The following CCDC148 variants were observed in gnomAD, a reference collection of about 807,000 sequenced individuals.
CCDC148 encodes the protein coiled-coil domain containing 148.
A neutral mutation model predicts 85.7 loss-of-function variants in CCDC148; 89 were observed. That is an observed-to-expected ratio of 1.04 (90% CI 0.87 to 1.24). The LOEUF (loss-of-function observed/expected upper bound fraction) is 1.24. Among genes scored for constraint, CCDC148 ranks in the 50% most tolerant of loss-of-function variants. CCDC148 has a pLI of 0.00. For synonymous variants in CCDC148, 230 were observed against 213.9 expected, an observed-to-expected ratio of 1.08 and a Z score of -0.66; for missense variants, 692 against 671.7, an observed-to-expected ratio of 1.03 and a Z score of -0.33.
intron 1 of CCDC148, among the ~76,000 whole-genome samples, chr2:158,411,991 C>T (rs987549621): frequency 2.6e-5 from 4 of 152,064 alleles, no homozygotes; most frequent in African/African-American, 9.7e-5. Context: ...CTCCAAGGGT[C>T]ACAGAGGCAG....
Position 158,402,852 on chromosome 2 carries a change from A to G in CCDC148, c.26-44282T>C, listed in dbSNP as rs1051076552. On this transcript the variant is annotated intron_variant, in intron 1 of 13. Transcript: ENST00000283233. ...AAAGTAAAGTGTACTATTTCAAACT[A>G]GAGTAATATCTTTATTTGAAGGTCA... Among the ~76,000 whole-genome samples, 3 of 152,096 alleles carry G rather than the reference A, an allele frequency of 2.0e-5. 1 individual carries two copies. In the South Asian group the frequency reaches 6.2e-4, roughly 32 times the overall value.
chr2:158,392,177 A>G (rs1030896494), intron 1 of CCDC148, among the ~76,000 whole-genome samples: 1 of 152,100 alleles, frequency 6.6e-6, no homozygotes, highest in African/African-American at 2.4e-5. Context: ...TCATTCTTCT[A>G]TTGATTTATT....
chr2:158,357,386 A>G (rs1197764571), intron 2 of CCDC148, among the ~76,000 whole-genome samples: 1 of 152,160 alleles, frequency 6.6e-6, no homozygotes, highest in Non-Finnish European at 1.5e-5. Flanking sequence ...ACAATTAAAT[A>G]TTTAAAAGAT....
intron 11 of CCDC148, among the ~76,000 whole-genome samples, chr2:158,205,873 T>G (rs930905895): frequency 7.9e-5 from 12 of 152,136 alleles, no homozygotes; most frequent in African/African-American, 2.9e-4. Context: ...GTATTCTGGG[T>G]AACTAGAATG....
chr2:158,366,335 A>T (rs576799974), intron 1 of CCDC148, among the ~76,000 whole-genome samples: 2 of 152,214 alleles, frequency 1.3e-5, no homozygotes, highest in South Asian at 4.2e-4. Flanking sequence ...AGTGACTGAT[A>T]AAAAATTTGT....
intron 1 of CCDC148, among the ~76,000 whole-genome samples, chr2:158,374,413 A>G (rs1211098416): frequency 6.6e-6 from 1 of 152,074 alleles, no homozygotes; most frequent in Non-Finnish European, 1.5e-5. Flanking sequence ...TTTACCTCCA[A>G]CATATATTAT....
At chr2:158,441,725 ATT>A (rs1005512635) in intron 1 of CCDC148, among the ~76,000 whole-genome samples, 2 of 152,130 alleles carry the variant, frequency 1.3e-5, no homozygotes, top group African/African-American at 4.8e-5. Context: ...TTTTGTCAAT[ATT>A]GTTTAGTATT....
At chr2:158,373,484 G>A (rs949462777) in intron 1 of CCDC148, among the ~76,000 whole-genome samples, 2 of 152,004 alleles carry the variant, frequency 1.3e-5, no homozygotes, top group African/African-American at 2.4e-5. Context: ...AGGCCTTTCT[G>A]TGCTGTTGCC....
rs1438280557 is a variant in CCDC148 at position 158,421,179 on chromosome 2, C to T, written c.25+35236G>A. Among the ~76,000 whole-genome samples the T allele has an allele frequency of 4.9e-4, 75 of 152,122 alleles. 1 individual carries two copies. The highest frequency in any genetic ancestry group is 1.3e-3 in the African/African-American group (56 of 41,490). Reference sequence around the variant, plus strand: ...CCACTGTCAACATCAGACAGATCAACGAGACAGAAAGTTAACAAGGATATC... The same window carrying T: ...CCACTGTCAACATCAGACAGATCAATGAGACAGAAAGTTAACAAGGATATC... On this transcript the variant is annotated intron_variant, in intron 1 of 13. Coordinates refer to ENST00000283233, the MANE Select transcript of CCDC148 (RefSeq NM_138803.4).
intron 2 of CCDC148, among the ~76,000 whole-genome samples, chr2:158,351,636 G>A (rs1050106142): frequency 1.1e-4 from 16 of 152,140 alleles, no homozygotes; most frequent in Admixed American, 4.6e-4. Flanking sequence ...CAAGGCGGCA[G>A]CGAGGCTGGG....
intron 1 of CCDC148, among the ~76,000 whole-genome samples, chr2:158,452,317 G>GGGT (rs1403428582): frequency 1.3e-5 from 2 of 152,148 alleles, no homozygotes; most frequent in African/African-American, 4.8e-5. Context: ...TGATAAATAA[G>GGGT]GGTTGTCTAG....
intron 11 of CCDC148, among the ~76,000 whole-genome samples, chr2:158,201,348 C>T (rs548740159): frequency 2.0e-5 from 3 of 152,120 alleles, no homozygotes; most frequent in Middle Eastern, 3.4e-3. Flanking sequence ...GATTTCGTTC[C>T]AGTACTTTTT....
chr2:158,348,733 T>C (rs1683117787), intron 2 of CCDC148, among the ~76,000 whole-genome samples: 1 of 152,058 alleles, frequency 6.6e-6, no homozygotes, highest in African/African-American at 2.4e-5. Context: ...GGGCCAAAAG[T>C]TGATCATTGT....
intron 2 of CCDC148, among the ~76,000 whole-genome samples, chr2:158,352,745 G>A (rs1334552566): frequency 2.0e-5 from 3 of 151,410 alleles, no homozygotes; most frequent in African/African-American, 4.9e-5. Flanking sequence ...GATATTCCTC[G>A]AGAAGAGCAA....
rs969917928 is a variant in CCDC148, at chr2:158,424,135, C to G, written c.25+32280G>C. 2.0e-5 allele frequency among the ~76,000 whole-genome samples: 3 copies of G among 152,274 alleles called. No individual in the cohort carries two copies. The East Asian group carries it at 5.8e-4, about 29-fold the overall frequency. ...CTGTTGGTGGGACTGTAAACTAGTTCAACCATTGTGGAAGTCAGTGTGTCA... is the reference window on the plus strand; with the variant it reads ...CTGTTGGTGGGACTGTAAACTAGTTGAACCATTGTGGAAGTCAGTGTGTCA... On this transcript the variant is annotated intron_variant, in intron 1 of 13. Coordinates refer to ENST00000283233, the MANE Select transcript of CCDC148 (RefSeq NM_138803.4).
intron 9 of CCDC148, among the ~76,000 whole-genome samples, chr2:158,301,673 C>T (rs1252589161): frequency 4.6e-5 from 7 of 152,180 alleles, no homozygotes; most frequent in Admixed American, 4.6e-4. Flanking sequence ...GACTAAGAAC[C>T]ACTGTAAGAT....
intron 9 of CCDC148, among the ~76,000 whole-genome samples, chr2:158,306,698 G>A (rs1207729558): frequency 6.6e-6 from 1 of 151,940 alleles, no homozygotes; most frequent in Non-Finnish European, 1.5e-5. Context: ...GAAGGGGGGA[G>A]GGAAAGCATT....
intron 10 of CCDC148, among the ~76,000 whole-genome samples, chr2:158,249,136 T>C (rs796753218): frequency 3.1e-4 from 47 of 152,292 alleles, no homozygotes; most frequent in African/African-American, 1.1e-3. Context: ...ACTTGAGTTA[T>C]TTAATTTGCA....
chr2:158,400,681 T>C (rs1212751373), intron 1 of CCDC148, among the ~76,000 whole-genome samples: 2 of 152,052 alleles, frequency 1.3e-5, no homozygotes, highest in East Asian at 3.9e-4. Flanking sequence ...CCAAAAGCAA[T>C]GGCAACAAAA....
Sources: allele counts gnomAD v4.1 joint callset (sites outside exome capture counted in the v4.1 genomes callset), GRCh38; gene constraint gnomAD v4.1.1; transcripts MANE v1.5; gene names NCBI Gene and HGNC (gene_info 2026-07-23, HGNC 2026-07-21).